Variants in CUL1 observed in about 807,000 individuals in gnomAD.
The protein encoded by CUL1 is cullin 1, also known as cullin-1.
CUL1 carries 24 observed loss-of-function variants against 118.0 expected under a neutral mutation model. The ratio of observed to expected loss-of-function variants is 0.20; its 90% CI spans 0.15 to 0.29. CUL1 has a LOEUF of 0.29. CUL1 is among the 10% of genes least tolerant of loss of function. The probability of loss-of-function intolerance (pLI) is 1.00; values close to 1 mark genes in which losing one functional copy is unlikely to be tolerated. For synonymous variants in CUL1, 332 were observed against 340.4 expected, an observed-to-expected ratio of 0.98 and a Z score of 0.27; for missense variants, 361 against 933.8, an observed-to-expected ratio of 0.39 and a Z score of 7.99.
intron 16 of CUL1, among the ~76,000 whole-genome samples, chr7:148,790,934 G>C (rs947884961): frequency 2.6e-5 from 4 of 152,160 alleles, no homozygotes; most frequent in Non-Finnish European, 4.4e-5. Context: ...TCTTAGAGGA[G>C]AAAACTGAGG....
At chr7:148,728,465 G>A (rs1798655138) in intron 1 of CUL1, among the ~76,000 whole-genome samples, 1 of 152,138 alleles carries the variant, frequency 6.6e-6, no homozygotes, top group Non-Finnish European at 1.5e-5. Context: ...GCTATCAGAT[G>A]CACCACCAGT....
chr7:148,740,148 G>A (rs1009062487), intron 2 of CUL1, among the ~76,000 whole-genome samples: 1 of 151,960 alleles, frequency 6.6e-6, no homozygotes, highest in Non-Finnish European at 1.5e-5. Context: ...CACCTCGCAG[G>A]TTCAAGTGAT....
chr7:148,738,490 A>G (rs1447007396), intron 2 of CUL1, among the ~76,000 whole-genome samples: 1 of 152,114 alleles, frequency 6.6e-6, no homozygotes, highest in Non-Finnish European at 1.5e-5. Context: ...TCTTGGACAT[A>G]AACCCCTGTA....
chr7:148,751,217 C>T (rs1799480499), intron 2 of CUL1, among the ~76,000 whole-genome samples: 1 of 151,960 alleles, frequency 6.6e-6, no homozygotes, highest in Admixed American at 6.6e-5. Flanking sequence ...TTTGGACCAG[C>T]CAGGGCAACA....
intron 9 of CUL1, among the ~76,000 whole-genome samples, chr7:148,779,801 T>G (rs1288039301): frequency 6.6e-6 from 1 of 152,206 alleles, no homozygotes; most frequent in African/African-American, 2.4e-5. Flanking sequence ...TGGGTGTGTC[T>G]GTGAGGGTGT....
chr7:148,755,961 C>A (rs1295469939), intron 3 of CUL1, among the ~76,000 whole-genome samples: 2 of 152,204 alleles, frequency 1.3e-5, no homozygotes, highest in African/African-American at 4.8e-5. Flanking sequence ...CCTCCTGCCC[C>A]CACCTTCCTC....
chr7:148,702,858 A>C (rs1335080289), intron 1 of CUL1, among the ~76,000 whole-genome samples: 2 of 152,218 alleles, frequency 1.3e-5, no homozygotes, highest in African/African-American at 2.4e-5. Context: ...CCTTTGGGAC[A>C]GGGACACTGT....
rs148248016 is a variant in CUL1, at chr7:148,750,836, T to C, written c.141-3140T>C. ...ATTATGCTAAGTCAAGCCAATGTGGTGACCCGTGCCTGTATTTTCAGCTTC... is the reference window on the plus strand; with the variant it reads ...ATTATGCTAAGTCAAGCCAATGTGGCGACCCGTGCCTGTATTTTCAGCTTC... On this transcript the variant is annotated intron_variant, in intron 2 of 21. Coordinates refer to ENST00000325222, the MANE Select transcript of CUL1 (RefSeq NM_003592.3). Among the ~76,000 whole-genome samples the C allele has an allele frequency of 4.0e-3, 603 of 152,208 alleles. 4 individuals are homozygous for C. Among genetic ancestry groups the C allele is most frequent in the African/African-American group, 0.013 (559 of 41,534 alleles).
At chr7:148,710,824 C>T (rs113638637) in intron 1 of CUL1, among the ~76,000 whole-genome samples, 10,459 of 151,906 alleles carry the variant, frequency 0.069, 501 homozygotes, top group Middle Eastern at 0.12. Context: ...CCACCATGCC[C>T]GGCTAATTTT....
intron 3 of CUL1, 81 bp from the exon 4 acceptor site, chr7:148,756,902 C>G: frequency 1.1e-6 from 1 of 940,778 alleles, no homozygotes; most frequent in Non-Finnish European, 1.5e-6. Context: ...TATTTTAATA[C>G]AGTAGATGTT....
intron 4 of CUL1, among the ~76,000 whole-genome samples, chr7:148,758,128 G>A (rs1014016228): frequency 6.6e-6 from 1 of 152,188 alleles, no homozygotes; most frequent in African/African-American, 2.4e-5. Flanking sequence ...GCCCAGCAAT[G>A]TTTTACCAAG....
At chr7:148,739,514 C>T (rs1482032564) in intron 2 of CUL1, among the ~76,000 whole-genome samples, 2 of 152,178 alleles carry the variant, frequency 1.3e-5, no homozygotes, top group East Asian at 1.9e-4. Flanking sequence ...TTTATATGCT[C>T]GTTGACCATT....
intron 2 of CUL1, among the ~76,000 whole-genome samples, chr7:148,748,798 A>G (rs765817756): frequency 4.6e-5 from 7 of 152,252 alleles, no homozygotes; most frequent in Non-Finnish European, 8.8e-5. Flanking sequence ...CAAAAAGATA[A>G]CATTCTCATG....
At chr7:148,727,603 C>G (rs1318729815) in intron 1 of CUL1, among the ~76,000 whole-genome samples, 1 of 152,072 alleles carries the variant, frequency 6.6e-6, no homozygotes, top group Admixed American at 6.5e-5. Context: ...AGGGAAAATC[C>G]CATTTAAAGC....
chr7:148,770,322 C>T (rs866625513), intron 9 of CUL1, among the ~76,000 whole-genome samples: 4 of 152,106 alleles, frequency 2.6e-5, no homozygotes, highest in Non-Finnish European at 5.9e-5. Flanking sequence ...GATTTTCTCC[C>T]GTGAAGAAGA....
intron 7 of CUL1, among the ~76,000 whole-genome samples, chr7:148,761,351 T>G (rs1030891042): frequency 6.6e-6 from 1 of 151,882 alleles, no homozygotes; most frequent in African/African-American, 2.4e-5. Flanking sequence ...CTACTAAAAA[T>G]ACAAAAAAAT....
At chr7:148,775,871 G>A (rs1336574178) in intron 9 of CUL1, among the ~76,000 whole-genome samples, 3 of 133,028 alleles carry the variant, frequency 2.3e-5, no homozygotes, top group South Asian at 2.4e-4. Flanking sequence ...AAAAAAAAAA[G>A]GTTTGATTTT....
chr7:148,705,590 T>G (rs1797854617), intron 1 of CUL1, among the ~76,000 whole-genome samples: 1 of 152,166 alleles, frequency 6.6e-6, no homozygotes. Context: ...CTAATAGGCA[T>G]CCGAAAGTCA....
chr7:148,751,833 G>A (rs749626916), intron 2 of CUL1, among the ~76,000 whole-genome samples: 2 of 152,152 alleles, frequency 1.3e-5, no homozygotes, highest in East Asian at 1.9e-4. Context: ...TGTAGAACAT[G>A]GCCAGACGCG....
Sources: gnomAD v4.1 joint callset for allele counts (sites outside exome capture counted in the v4.1 genomes callset) on GRCh38, gnomAD v4.1.1 for gene constraint, MANE v1.5 for transcripts, NCBI Gene and HGNC (gene_info 2026-07-23, HGNC 2026-07-21) for gene names.